Variants in ADAMTSL1 observed in about 807,000 individuals in gnomAD.
The protein encoded by ADAMTSL1 is ADAMTS-like protein 1.
Under a neutral mutation model 201.8 loss-of-function variants are expected in ADAMTSL1, and 126 were observed. That is an observed-to-expected ratio of 0.62 (90% CI 0.54 to 0.72). The LOEUF is 0.72. ADAMTSL1 is among the 30% of genes least tolerant of loss of function. ADAMTSL1 has a pLI of 0.00. For synonymous variants in ADAMTSL1, 1,121 were observed against 903.4 expected (o/e 1.24, Z -4.32); for missense variants, 2,679 against 2,277.8 (o/e 1.18, Z -3.59).
chr9:18,512,359 G>T (rs1564008270), intron 2 of ADAMTSL1, among the ~76,000 whole-genome samples: 1 of 151,870 alleles, frequency 6.6e-6, no homozygotes, highest in Non-Finnish European at 1.5e-5. Flanking sequence ...AATAAAAGAT[G>T]GTTAGAAATG....
chr9:18,122,310 G>A (rs1825536068), intron 1 of ADAMTSL1, among the ~76,000 whole-genome samples: 1 of 152,180 alleles, frequency 6.6e-6, no homozygotes. Flanking sequence ...GGTACATCCT[G>A]GAGAGCCTCT....
chr9:18,028,186 C>T (rs910922416), intron 1 of ADAMTSL1, among the ~76,000 whole-genome samples: 10 of 151,982 alleles, frequency 6.6e-5, no homozygotes, highest in African/African-American at 2.4e-4. Context: ...GGTGTTGTTC[C>T]TGTCGTGATA....
intron 2 of ADAMTSL1, among the ~76,000 whole-genome samples, chr9:18,244,087 TTGTGTGTG>T (rs5896777): frequency 6.7e-6 from 1 of 149,686 alleles, no homozygotes; most frequent in Admixed American, 6.7e-5. Flanking sequence ...AGAAATGATT[TTGTGTGTG>T]TGTGTGTGTG....
At chr9:18,338,086 A>G (rs1835316200) in intron 2 of ADAMTSL1, among the ~76,000 whole-genome samples, 1 of 152,174 alleles carries the variant, frequency 6.6e-6, no homozygotes, top group South Asian at 2.1e-4. Context: ...CACTGTGAAT[A>G]CATGGTCTAC....
intron 2 of ADAMTSL1, among the ~76,000 whole-genome samples, chr9:18,431,561 T>A (rs144329928): frequency 3.9e-5 from 6 of 152,192 alleles, no homozygotes; most frequent in Non-Finnish European, 5.9e-5. Flanking sequence ...ACATTAGAGG[T>A]CATTAGTCCA....
rs185695678 is a variant in ADAMTSL1 at position 18,847,093 on chromosome 9, T to C, written c.4249+17116T>C. On this transcript the variant is annotated intron_variant, in intron 23 of 28. Transcript: ENST00000380548. ...ATCTACCTGCTCAGGCTTTATTAAA[T>C]GCTAGGTCCTGTGCCTTTCTCCCAG... 3.4e-3 allele frequency among the ~76,000 whole-genome samples: 517 copies of C among 152,332 alleles called. 3 individuals are homozygous for C. The highest frequency in any genetic ancestry group is 0.011 in the African/African-American group (467 of 41,568).
intron 1 of ADAMTSL1, among the ~76,000 whole-genome samples, chr9:18,078,157 T>G (rs1206836201): frequency 1.3e-5 from 2 of 152,144 alleles, no homozygotes; most frequent in African/African-American, 4.8e-5. Flanking sequence ...AGCACGGAGT[T>G]CAAGTGAAAC....
At chr9:18,384,254 A>C (rs1837688221) in intron 2 of ADAMTSL1, among the ~76,000 whole-genome samples, 1 of 152,090 alleles carries the variant, frequency 6.6e-6, no homozygotes, top group African/African-American at 2.4e-5. Flanking sequence ...GCAAAACAGG[A>C]GAGACAGCGA....
At chr9:18,726,208 T>C (rs977685805) in intron 15 of ADAMTSL1, among the ~76,000 whole-genome samples, 1 of 152,186 alleles carries the variant, frequency 6.6e-6, no homozygotes. Flanking sequence ...AAAGTCTTAA[T>C]ACTTAAGCTT....
chr9:18,836,567 C>G (rs547083642), intron 23 of ADAMTSL1, among the ~76,000 whole-genome samples: 1 of 152,194 alleles, frequency 6.6e-6, no homozygotes, highest in Admixed American at 6.5e-5. Context: ...TTTAGGATCA[C>G]TTTGGCTATT....
At chr9:18,709,783 G>A (rs1336862503) in intron 14 of ADAMTSL1, among the ~76,000 whole-genome samples, 5 of 152,134 alleles carry the variant, frequency 3.3e-5, no homozygotes, top group Admixed American at 2.6e-4. Flanking sequence ...CAGCTTTATT[G>A]TATTGAACTC....
chr9:17,954,226 A>C (rs1308263018), intron 1 of ADAMTSL1, among the ~76,000 whole-genome samples: 1 of 152,220 alleles, frequency 6.6e-6, no homozygotes, highest in Non-Finnish European at 1.5e-5. Flanking sequence ...TCCTAGAGTA[A>C]GCATTTCAAG....
chr9:18,764,571 A>G (rs928127655), intron 16 of ADAMTSL1, among the ~76,000 whole-genome samples: 1 of 152,190 alleles, frequency 6.6e-6, no homozygotes, highest in Non-Finnish European at 1.5e-5. Flanking sequence ...TCTCTGGGTG[A>G]ACAAAGAGCT....
chr9:18,904,767 C>G (rs1690498561), intron 26 of ADAMTSL1, among the ~76,000 whole-genome samples: 1 of 144,128 alleles, frequency 6.9e-6, no homozygotes, highest in Admixed American at 6.9e-5. Flanking sequence ...TACCCCAACC[C>G]TCCATGTGTT....
chr9:18,365,414 GGATT>G, intron 2 of ADAMTSL1, among the ~76,000 whole-genome samples: 1 of 152,184 alleles, frequency 6.6e-6, no homozygotes, highest in East Asian at 1.9e-4. Flanking sequence ...ACAAAGCAAA[GGATT>G]GATTAACACA....
At chr9:18,649,573 A>G (rs993618945) in intron 7 of ADAMTSL1, among the ~76,000 whole-genome samples, 3 of 152,026 alleles carry the variant, frequency 2.0e-5, no homozygotes, top group African/African-American at 7.2e-5. Context: ...TTTGGTGTGG[A>G]TGTCCTTTCT....
At position 18,533,278 on chromosome 9, in the gene ADAMTSL1, A is replaced by G. The variant is rs763159381; in HGVS notation, c.223A>G (p.Thr75Ala). The change falls in exon 3 of 29, where the codon ACA (threonine) becomes GCA (alanine). Residue 75 changes from threonine to alanine, a missense_variant. Transcript: ENST00000380548. ...SCEGRNIRYR[T>A]CSNVDCPPEA... is the part of the protein sequence containing the mutation. ...TGAAGGAAGAAATATCCGATACAGA[A>G]CATGCAGTAATGTGGTAAGTATAAG... The G allele has an allele frequency of 1.9e-6, 3 of 1,609,402 alleles. No homozygotes were observed. Among genetic ancestry groups the G allele is most frequent in the Admixed American group, 1.7e-5 (1 of 59,550 alleles).
chr9:18,209,030 A>G (rs1470636196), intron 2 of ADAMTSL1, among the ~76,000 whole-genome samples: 1 of 152,206 alleles, frequency 6.6e-6, no homozygotes, highest in African/African-American at 2.4e-5. Flanking sequence ...CATGCTATAT[A>G]AAGGAAAATA....
At chr9:18,411,656 A>C (rs145557335) in intron 2 of ADAMTSL1, among the ~76,000 whole-genome samples, 15 of 152,326 alleles carry the variant, frequency 9.8e-5, no homozygotes, top group Middle Eastern at 3.4e-3. Context: ...CCCAGCCTTA[A>C]AAAATATCAG....
Sources: allele counts gnomAD v4.1 joint callset (sites outside exome capture counted in the v4.1 genomes callset), GRCh38; gene constraint gnomAD v4.1.1; transcripts MANE v1.5; gene names NCBI Gene and HGNC (gene_info 2026-07-23, HGNC 2026-07-21).